The following ZC3H3 variants were observed in gnomAD, a reference collection of about 807,000 sequenced individuals.
The protein encoded by ZC3H3 is zinc finger CCCH-type containing 3.
Under a neutral mutation model 77.3 loss-of-function variants are expected in ZC3H3, and 36 were observed. The observed-to-expected ratio is 0.47, with a 90% CI of 0.36 to 0.61. ZC3H3 has a LOEUF of 0.61. ZC3H3 is among the 20% of genes least tolerant of loss of function. The pLI, the probability that ZC3H3 is intolerant of heterozygous loss-of-function variation, is 0.00. For synonymous variants in ZC3H3, 626 were observed against 555.2 expected (o/e 1.13, Z -1.79); for missense variants, 1,331 against 1,312.2 (o/e 1.01, Z -0.22).
At chr8:143,539,528 T>C (rs2130529249) in intron 1 of ZC3H3, among the ~76,000 whole-genome samples, 1 of 152,252 alleles carries the variant, frequency 6.6e-6, no homozygotes, top group South Asian at 2.1e-4. Flanking sequence ...ATGAGCCTTT[T>C]CTCCATCAGC....
At chr8:143,520,875 C>A (rs1297138923) in intron 3 of ZC3H3, among the ~76,000 whole-genome samples, 1 of 152,220 alleles carries the variant, frequency 6.6e-6, no homozygotes, top group Non-Finnish European at 1.5e-5. Flanking sequence ...CCAGGAGCTG[C>A]CCCCTCCCTG....
intron 5 of ZC3H3, 30 bp downstream of exon 5, chr8:143,475,368 T>C: frequency 1.9e-6 from 3 of 1,596,790 alleles, no homozygotes; most frequent in Non-Finnish European, 2.6e-6. Flanking sequence ...GTCGGTGTCA[T>C]CTCCCAGCGC....
chr8:143,541,438 G>GGCC lies in ZC3H3; in HGVS notation c.-20_-18dup. 6.2e-7 allele frequency: 1 copy of GGCC among 1,611,322 alleles called. No individual in the cohort carries two copies. The highest frequency in any genetic ancestry group is 8.5e-7 in the Non-Finnish European group (1 of 1,179,246). On this transcript the variant is annotated 5_prime_UTR_variant, in exon 1 of 12. Coordinates refer to ENST00000262577, the MANE Select transcript of ZC3H3 (RefSeq NM_015117.3). ...TTCCTCCATCTCCCGAGTCCGCGAC[G>GGCC]GCCGGCCAGGCCCCCACGACGTCAT...
chr8:143,459,464 G>A (rs1820201307), intron 9 of ZC3H3, among the ~76,000 whole-genome samples: 2 of 151,894 alleles, frequency 1.3e-5, no homozygotes, highest in African/African-American at 2.4e-5. Flanking sequence ...CAGGAGAATT[G>A]CTCCAACCTG....
intron 3 of ZC3H3, among the ~76,000 whole-genome samples, chr8:143,529,609 C>T (rs537912004): frequency 1.3e-4 from 20 of 152,260 alleles, no homozygotes; most frequent in African/African-American, 4.8e-4. Context: ...CGGGGGGAGA[C>T]CCCACACAGG....
chr8:143,540,857 G>A (rs1822988064), intron 1 of ZC3H3, among the ~76,000 whole-genome samples: 1 of 152,200 alleles, frequency 6.6e-6, no homozygotes, highest in Admixed American at 6.5e-5. Flanking sequence ...TCCGGAGGCT[G>A]AGGCAGGAGA....
chr8:143,498,712 T>C (rs116022193), intron 4 of ZC3H3, among the ~76,000 whole-genome samples: 2,037 of 104,262 alleles, frequency 0.02, 38 homozygotes, highest in African/African-American at 0.072. Flanking sequence ...GGCAGAGGGG[T>C]ACAGGGCGGG....
At chr8:143,541,333 G>A in intron 1 of ZC3H3, 43 bp downstream of exon 1, 1 of 1,604,274 alleles carries the variant, frequency 6.2e-7, no homozygotes, top group Non-Finnish European at 8.5e-7. Context: ...GCGAGGTGAG[G>A]GGGAAAGAAG....
At chr8:143,507,419 G>A (rs1388306563) in intron 4 of ZC3H3, among the ~76,000 whole-genome samples, 3 of 152,266 alleles carry the variant, frequency 2.0e-5, no homozygotes, top group Non-Finnish European at 4.4e-5. Flanking sequence ...CATGGCGTGG[G>A]CCCTGACCGT....
chr8:143,465,527 G>A (rs1403134726), intron 9 of ZC3H3, among the ~76,000 whole-genome samples, 190 bp downstream of exon 9: 2 of 152,232 alleles, frequency 1.3e-5, no homozygotes, highest in African/African-American at 2.4e-5. Context: ...ACCCCGCCCT[G>A]TGTTGGTGCT....
At chr8:143,523,472 C>G (rs1822315909) in intron 3 of ZC3H3, 3 of 985,424 alleles carry the variant, frequency 3.0e-6, no homozygotes, top group Non-Finnish European at 3.6e-6. Context: ...TTGGAAGACA[C>G]TCCCCGCTGC....
intron 9 of ZC3H3, among the ~76,000 whole-genome samples, chr8:143,455,471 A>T (rs1434280309): frequency 6.6e-6 from 1 of 152,188 alleles, no homozygotes; most frequent in African/African-American, 2.4e-5. Flanking sequence ...ACTGCACTCC[A>T]GCCTGGGTGA....
At chr8:143,478,106 C>T (rs562543910) in intron 4 of ZC3H3, among the ~76,000 whole-genome samples, 12 of 152,314 alleles carry the variant, frequency 7.9e-5, no homozygotes, top group African/African-American at 2.6e-4. Context: ...GACGAGCAGG[C>T]AACAGAGCCA....
intron 4 of ZC3H3, among the ~76,000 whole-genome samples, chr8:143,501,443 G>A (rs537685994): frequency 6.6e-6 from 1 of 151,646 alleles, no homozygotes; most frequent in South Asian, 2.1e-4. Context: ...AGCTCAAGCG[G>A]TCCACCTGCC....
intron 3 of ZC3H3, among the ~76,000 whole-genome samples, chr8:143,527,410 C>T (rs964406808): frequency 4.6e-5 from 7 of 152,296 alleles, no homozygotes; most frequent in Admixed American, 2.6e-4. Context: ...CTCCTGAGAA[C>T]GCCACCCTGC....
chr8:143,520,082 G>A (rs527998000), intron 3 of ZC3H3, among the ~76,000 whole-genome samples: 3 of 152,344 alleles, frequency 2.0e-5, no homozygotes, highest in Non-Finnish European at 4.4e-5. Flanking sequence ...CGGGGCTCAA[G>A]GAGGGGCCCT....
intron 3 of ZC3H3, among the ~76,000 whole-genome samples, chr8:143,509,728 G>T (rs995677546): frequency 3.3e-5 from 5 of 152,144 alleles, no homozygotes; most frequent in Middle Eastern, 3.2e-3. Context: ...AGGCAGGAGG[G>T]ACACTGGGCC....
At chr8:143,524,002 C>G (rs12681624) in intron 3 of ZC3H3, among the ~76,000 whole-genome samples, 21,530 of 152,286 alleles carry the variant, frequency 0.14, 2,042 homozygotes, top group East Asian at 0.46. Context: ...CCAGACACAG[C>G]TAGCCAGCGG....
intron 9 of ZC3H3, among the ~76,000 whole-genome samples, chr8:143,445,230 A>C (rs1484387118): frequency 6.6e-6 from 1 of 151,970 alleles, no homozygotes; most frequent in Non-Finnish European, 1.5e-5. Context: ...AAAAATACAA[A>C]ATTAGCTGGG....
Sources: allele counts gnomAD v4.1 joint callset (sites outside exome capture counted in the v4.1 genomes callset), GRCh38; gene constraint gnomAD v4.1.1; transcripts MANE v1.5; gene names NCBI Gene and HGNC (gene_info 2026-07-23, HGNC 2026-07-21).